Variants in AMD1 observed in about 807,000 individuals in gnomAD.
AMD1 encodes S-adenosylmethionine decarboxylase proenzyme.
Under a neutral mutation model 40.2 loss-of-function variants are expected in AMD1, and 11 were observed. The ratio of observed to expected loss-of-function variants is 0.27; its 90% CI spans 0.17 to 0.45. AMD1 has a LOEUF of 0.45. AMD1 is among the 20% of genes least tolerant of loss of function. The pLI is 1.00. For missense variants in AMD1, 257 were observed against 410.2 expected, an observed-to-expected ratio of 0.63 and a Z score of 3.23; for synonymous variants, 121 against 130.8, an observed-to-expected ratio of 0.93 and a Z score of 0.51.
intron 1 of AMD1, among the ~76,000 whole-genome samples, chr6:110,885,642 C>A (rs4947087): frequency 0.097 from 14,688 of 152,206 alleles, 821 homozygotes; most frequent in Middle Eastern, 0.14. Context: ...CATATGTATT[C>A]TTTCCATATA....
chr6:110,814,838 G>A, the AMD1 span: 5 of 841,430 alleles, frequency 5.9e-6, no homozygotes, highest in Non-Finnish European at 7.5e-6. Flanking sequence ...GCCGCGCGGG[G>A]GAGGCGGGCG....
the AMD1 span, among the ~76,000 whole-genome samples, chr6:110,850,228 C>T: frequency 1.3e-5 from 2 of 152,060 alleles, no homozygotes; most frequent in African/African-American, 4.8e-5. Context: ...TTTAATTTTG[C>T]AGATTATAGA....
intron 1 of AMD1, among the ~76,000 whole-genome samples, chr6:110,884,556 A>C (rs922820302): frequency 3.3e-5 from 5 of 152,030 alleles, no homozygotes; most frequent in East Asian, 1.9e-4. Flanking sequence ...ACATCAGCCT[A>C]CCGAGTAGCT....
the AMD1 span, among the ~76,000 whole-genome samples, chr6:110,839,657 A>T: frequency 2.0e-5 from 3 of 152,178 alleles, no homozygotes; most frequent in Admixed American, 1.3e-4. Context: ...CAAATGTTTT[A>T]TGTATTCTAT....
chr6:110,823,945 G>C, the AMD1 span, among the ~76,000 whole-genome samples: 1 of 152,154 alleles, frequency 6.6e-6, no homozygotes, highest in Non-Finnish European at 1.5e-5. Flanking sequence ...GTGGTGAAAA[G>C]GGAATGCTTA....
At chr6:110,848,718 A>C in the AMD1 span, 1 of 301,166 alleles carries the variant, frequency 3.3e-6, no homozygotes, top group South Asian at 3.7e-5. Flanking sequence ...ATAGCCATAA[A>C]GGTTGGTCCC....
the AMD1 span, among the ~76,000 whole-genome samples, chr6:110,861,158 A>G: frequency 1.3e-5 from 2 of 152,124 alleles, no homozygotes; most frequent in African/African-American, 2.4e-5. Flanking sequence ...GGAGATCGAG[A>G]CCATCCTGGC....
chr6:110,890,633 T>G (rs927975762), intron 4 of AMD1, among the ~76,000 whole-genome samples: 19 of 152,086 alleles, frequency 1.2e-4, no homozygotes, highest in Non-Finnish European at 2.2e-4. Flanking sequence ...CTACAGATGT[T>G]TGCCACCCCA....
At chr6:110,885,681 G>C (rs1169680622) in intron 1 of AMD1, among the ~76,000 whole-genome samples, 1 of 152,140 alleles carries the variant, frequency 6.6e-6, no homozygotes, top group Non-Finnish European at 1.5e-5. Flanking sequence ...CCTTTTTAAA[G>C]AACCTTAAAA....
At chr6:110,837,310 TAAA>T in the AMD1 span, among the ~76,000 whole-genome samples, 1 of 100,938 alleles carries the variant, frequency 9.9e-6, no homozygotes, top group Non-Finnish European at 2.1e-5. Flanking sequence ...TATTTAAAAC[TAAA>T]AAAAAAAAAA....
At chr6:110,826,274 A>C in the AMD1 span, among the ~76,000 whole-genome samples, 2 of 121,806 alleles carry the variant, frequency 1.6e-5, no homozygotes. Context: ...ACCATCCCAA[A>C]AAAAAAAAAA....
intron 1 of AMD1, chr6:110,875,562 T>G: frequency 5.3e-6 from 1 of 189,648 alleles, no homozygotes; most frequent in East Asian, 1.3e-4. Context: ...CCCTCCGTAG[T>G]AGTTGGCGGC....
the AMD1 span, among the ~76,000 whole-genome samples, chr6:110,816,634 G>T: frequency 6.6e-6 from 1 of 152,210 alleles, no homozygotes; most frequent in African/African-American, 2.4e-5. Context: ...GAGAGCTGCT[G>T]CTAGTCAACT....
At chr6:110,849,275 A>T in the AMD1 span, among the ~76,000 whole-genome samples, 1 of 152,222 alleles carries the variant, frequency 6.6e-6, no homozygotes, top group Admixed American at 6.5e-5. Context: ...GAGGGTGTCA[A>T]ATTGAGAACC....
intron 2 of AMD1, among the ~76,000 whole-genome samples, chr6:110,887,939 G>T (rs1785786645): frequency 6.6e-6 from 1 of 152,052 alleles, no homozygotes; most frequent in Admixed American, 6.5e-5. Context: ...ATCCACCTCG[G>T]CCTCCCAAAG....
At chr6:110,875,870 C>T (rs970347095) in intron 1 of AMD1, among the ~76,000 whole-genome samples, 8 of 152,172 alleles carry the variant, frequency 5.3e-5, no homozygotes, top group Non-Finnish European at 1.2e-4. Context: ...CTAACATGCT[C>T]TGCGCCAGAG....
intron 6 of AMD1, 49 bp downstream of exon 6, chr6:110,892,492 T>C: frequency 1.3e-6 from 2 of 1,599,462 alleles, no homozygotes; most frequent in Non-Finnish European, 1.7e-6. Flanking sequence ...GCGTGGGGAC[T>C]AAATTTTATT....
At chr6:110,861,551 G>A in the AMD1 span, among the ~76,000 whole-genome samples, 4 of 149,936 alleles carry the variant, frequency 2.7e-5, no homozygotes, top group African/African-American at 7.4e-5. Context: ...AATAAAATAC[G>A]ATAAAATAGG....
the AMD1 span, among the ~76,000 whole-genome samples, chr6:110,850,403 C>T: frequency 6.6e-6 from 1 of 152,118 alleles, no homozygotes; most frequent in Non-Finnish European, 1.5e-5. Context: ...GAAAACAGAA[C>T]TCCTTCACTG....
Sources: allele counts gnomAD v4.1 joint callset (sites outside exome capture counted in the v4.1 genomes callset), GRCh38; gene constraint gnomAD v4.1.1; transcripts MANE v1.5; gene names NCBI Gene and HGNC (gene_info 2026-07-23, HGNC 2026-07-21).